The following CBLN2 variants were observed in gnomAD, a reference collection of about 807,000 sequenced individuals.
CBLN2 encodes cerebellin 2 precursor.
A neutral mutation model predicts 15.0 loss-of-function variants in CBLN2; 7 were observed. The observed-to-expected ratio is 0.47, with a 90% CI of 0.27 to 0.88. CBLN2 has a LOEUF of 0.88. Ranked by LOEUF, CBLN2 falls within the 40% of genes least tolerant of loss-of-function variation. The probability of loss-of-function intolerance (pLI) is 0.14; values close to 1 mark genes in which losing one functional copy is unlikely to be tolerated. For synonymous variants in CBLN2, 149 were observed against 135.2 expected, an observed-to-expected ratio of 1.10 and a Z score of -0.71; for missense variants, 242 against 304.5, an observed-to-expected ratio of 0.79 and a Z score of 1.53.
chr18:72,581,724 T>C (rs1285820677), intron 1 of CBLN2, among the ~76,000 whole-genome samples: 3 of 152,254 alleles, frequency 2.0e-5, no homozygotes, highest in Non-Finnish European at 1.5e-5. Context: ...AGATGTTACA[T>C]TTAATGCCAT....
At position 72,598,340 on chromosome 18, in the gene CBLN2, T is replaced by C. The variant is rs186970513; in HGVS notation, c.15+39985A>G. On this transcript the variant is annotated intron_variant, in intron 1 of 2. Transcript: ENST00000581073. Reference sequence around the variant, plus strand: ...GCCCAGGTTGTGTCTAGAAATATCATCTGGAAGCTAGGGTCTAGAATGAGG... The same window carrying C: ...GCCCAGGTTGTGTCTAGAAATATCACCTGGAAGCTAGGGTCTAGAATGAGG... 1.7e-3 allele frequency among the ~76,000 whole-genome samples: 253 copies of C among 152,306 alleles called. 1 individual carries two copies. Among genetic ancestry groups the C allele is most frequent in the Non-Finnish European group, 3.0e-3 (202 of 68,014 alleles).
At chr18:72,601,227 T>C (rs1463205129) in intron 1 of CBLN2, among the ~76,000 whole-genome samples, 1 of 152,174 alleles carries the variant, frequency 6.6e-6, no homozygotes, top group Non-Finnish European at 1.5e-5. Context: ...CAAAGTTAGC[T>C]TGACCTACGC....
At position 72,538,415 on chromosome 18, in the gene CBLN2, C is replaced by T. The variant is rs375754712; in HGVS notation, c.478-42G>A. 37 of 1,593,556 alleles carry T rather than the reference C, an allele frequency of 2.3e-5. No homozygotes were observed. The African/African-American group carries it at 4.6e-4, about 20-fold the overall frequency. On this transcript the variant is annotated intron_variant, in intron 4 of 4. Transcript: ENST00000269503. ...AGAGCTCAGCAGACCATAAAGCACCCAACTCCCACACACTGTTCTCTCCTT... is the reference window on the plus strand; with the variant it reads ...AGAGCTCAGCAGACCATAAAGCACCTAACTCCCACACACTGTTCTCTCCTT...
intron 1 of CBLN2, among the ~76,000 whole-genome samples, chr18:72,558,149 C>A (rs1410052372): frequency 1.3e-5 from 2 of 152,124 alleles, no homozygotes; most frequent in Admixed American, 6.5e-5. Context: ...CTATGCTGAC[C>A]ATGTGACTTA....
chr18:72,638,228 T>A, intron 1 of CBLN2: 5 of 398,236 alleles, frequency 1.3e-5, no homozygotes, highest in Non-Finnish European at 2.2e-5. Flanking sequence ...TAATTATTTA[T>A]CACATCTCCT....
Position 72,565,624 on chromosome 18 carries a change from A to C in CBLN2, c.16-26852T>G, listed in dbSNP as rs62089748. On this transcript the variant is annotated intron_variant, in intron 1 of 2. Coordinates refer to the CBLN2 transcript ENST00000581073. The stretch of plus-strand genomic sequence containing the variant: ...GTAAGCCCCATAATAACAACACATA[A>C]AAGGTACAGTAGTTACACAAATAAG... Among the ~76,000 whole-genome samples the C allele has an allele frequency of 5.6e-3, 852 of 152,312 alleles. 4 individuals carry two copies. The highest frequency in any genetic ancestry group is 9.6e-3 in the Non-Finnish European group (655 of 68,016).
chr18:72,601,131 G>C lies in CBLN2; in HGVS notation c.15+37194C>G, dbSNP rs72634453. Among the ~76,000 whole-genome samples, 4,007 of 152,112 alleles carry C rather than the reference G, an allele frequency of 0.026. 539 individuals are homozygous for C. The East Asian group carries it at 0.44, about 17-fold the overall frequency. The stretch of plus-strand genomic sequence containing the variant: ...AATCCGAACCTTGTGGCTTTTCATT[G>C]GTTTTACAAAGGTGGTTCATTATCA... On this transcript the variant is annotated intron_variant, in intron 1 of 2. Transcript: ENST00000581073.
intron 1 of CBLN2, among the ~76,000 whole-genome samples, chr18:72,549,687 G>T (rs602853): frequency 0.99 from 151,265 of 152,324 alleles, 75,112 homozygotes; most frequent in Middle Eastern, 1. Context: ...TTTTTCACCT[G>T]TCTAAAACCC....
At position 72,538,564 on chromosome 18, in the gene CBLN2, C is replaced by G. The variant is rs1291599280; in HGVS notation, c.477+89G>C. 7 of 1,556,126 alleles carry G rather than the reference C, an allele frequency of 4.5e-6. No individual in the cohort carries two copies. The Admixed American group carries it at 1.0e-4, about 23-fold the overall frequency. On this transcript the variant is annotated intron_variant, in intron 4 of 4. Coordinates refer to ENST00000269503, the MANE Select transcript of CBLN2 (RefSeq NM_182511.4). Reference sequence around the variant, plus strand: ...CCTGGACAGACCAGTACCCTGTCTCCCTCAGCCTCAGAGACCAGGTGAAGG... The same window carrying G: ...CCTGGACAGACCAGTACCCTGTCTCGCTCAGCCTCAGAGACCAGGTGAAGG...
chr18:72,626,076 C>T (rs2069737544), intron 1 of CBLN2, among the ~76,000 whole-genome samples: 3 of 151,840 alleles, frequency 2.0e-5, no homozygotes, highest in Admixed American at 1.3e-4. Flanking sequence ...GAAAATATCC[C>T]TGAGGAAAGA....
chr18:72,620,939 T>C (rs1052279755), intron 1 of CBLN2, among the ~76,000 whole-genome samples: 4 of 152,212 alleles, frequency 2.6e-5, no homozygotes, highest in Non-Finnish European at 5.9e-5. Flanking sequence ...ATTTGATACT[T>C]TATGACTGAT....
intron 1 of CBLN2, among the ~76,000 whole-genome samples, chr18:72,589,173 A>G (rs906347541): frequency 3.3e-5 from 5 of 152,204 alleles, no homozygotes; most frequent in Admixed American, 3.3e-4. Context: ...AACGGCAGCC[A>G]CAGAAACAGA....
intron 1 of CBLN2, among the ~76,000 whole-genome samples, chr18:72,592,208 T>A (rs1259194322): frequency 6.6e-6 from 1 of 152,150 alleles, no homozygotes; most frequent in Non-Finnish European, 1.5e-5. Context: ...TGGGGAGAGA[T>A]GATATCTCAT....
chr18:72,584,108 A>C (rs1371792346), intron 1 of CBLN2, among the ~76,000 whole-genome samples: 1 of 152,170 alleles, frequency 6.6e-6, no homozygotes, highest in Non-Finnish European at 1.5e-5. Context: ...AGCTGCAGAC[A>C]GAAGGGCACA....
intron 1 of CBLN2, among the ~76,000 whole-genome samples, chr18:72,595,920 G>A (rs745542966): frequency 3.9e-5 from 6 of 151,910 alleles, no homozygotes; most frequent in Non-Finnish European, 7.4e-5. Context: ...GTCTTTATAG[G>A]TGAAGTGTGT....
At chr18:72,583,091 C>T (rs1419319269) in intron 1 of CBLN2, among the ~76,000 whole-genome samples, 3 of 152,040 alleles carry the variant, frequency 2.0e-5, no homozygotes, top group African/African-American at 7.2e-5. Context: ...GGGCCCAGGC[C>T]CAGGCCTCGA....
chr18:72,552,304 G>T (rs773222728), intron 1 of CBLN2, among the ~76,000 whole-genome samples: 3 of 151,732 alleles, frequency 2.0e-5, no homozygotes, highest in Non-Finnish European at 4.4e-5. Context: ...GGCTGATCTC[G>T]AACTCCTGAC....
intron 1 of CBLN2, among the ~76,000 whole-genome samples, chr18:72,595,142 C>T (rs2069504873): frequency 6.6e-6 from 1 of 151,590 alleles, no homozygotes; most frequent in Non-Finnish European, 1.5e-5. Flanking sequence ...TTGAAGTTTA[C>T]TCCTTTTTTC....
chr18:72,542,183 G>T lies in CBLN2; in HGVS notation c.-23C>A. Reference sequence around the variant, plus strand: ...CATCGGGACTGGTGGGAGGCGGCGCGCGGGGGTGGAGGCCGGCGCCGGCGC... The same window carrying T: ...CATCGGGACTGGTGGGAGGCGGCGCTCGGGGGTGGAGGCCGGCGCCGGCGC... On this transcript the variant is annotated 5_prime_UTR_variant, in exon 3 of 5. Coordinates refer to ENST00000269503, the MANE Select transcript of CBLN2 (RefSeq NM_182511.4). The T allele has an allele frequency of 8.3e-7, 1 of 1,209,020 alleles. No individual in the cohort carries two copies. Among genetic ancestry groups the T allele is most frequent in the African/African-American group, 1.6e-5 (1 of 63,132 alleles). The allele number at this position is 1,209,020 out of a possible 1,614,324, so 74.9% of individuals were successfully genotyped here.
Sources: gnomAD v4.1 joint callset for allele counts (sites outside exome capture counted in the v4.1 genomes callset) on GRCh38, gnomAD v4.1.1 for gene constraint, MANE v1.5 for transcripts, NCBI Gene and HGNC (gene_info 2026-07-23, HGNC 2026-07-21) for gene names.